Variants in SNW1 observed in about 807,000 individuals in gnomAD.
The protein encoded by SNW1 is SNW domain containing 1, also known as SNW domain-containing protein 1.
In SNW1, 9 loss-of-function variants were observed where a neutral mutation model predicts 75.6. The ratio of observed to expected loss-of-function variants is 0.12; its 90% confidence interval spans 0.07 to 0.21. The LOEUF is 0.21. Ranked by LOEUF, SNW1 falls within the 10% of genes least tolerant of loss-of-function variation. The pLI is 1.00. For missense variants in SNW1, 409 were observed against 670.9 expected (o/e 0.61, Z 4.31); for synonymous variants, 200 against 219.1 (o/e 0.91, Z 0.77).
chr14:77,759,614 T>C (rs1251104153), intron 1 of SNW1, among the ~76,000 whole-genome samples: 2 of 152,194 alleles, frequency 1.3e-5, no homozygotes, highest in Non-Finnish European at 2.9e-5. Context: ...CTCATAACTT[T>C]ACTAGTCTAT....
chr14:77,748,851 T>G (rs2080785164), intron 3 of SNW1, among the ~76,000 whole-genome samples: 1 of 152,166 alleles, frequency 6.6e-6, no homozygotes, highest in Non-Finnish European at 1.5e-5. Flanking sequence ...TCTCCCAAAG[T>G]GCTGGGATTA....
chr14:77,724,813 G>A (rs369872987), intron 10 of SNW1, among the ~76,000 whole-genome samples: 1 of 152,186 alleles, frequency 6.6e-6, no homozygotes, highest in African/African-American at 2.4e-5. Flanking sequence ...AAACATGGAA[G>A]TGCAGATATC....
chr14:77,736,072 TCTC>T (rs1310672094), intron 6 of SNW1, 66 bp from the exon 7 acceptor site: 38 of 1,155,530 alleles, frequency 3.3e-5, no homozygotes, highest in Admixed American at 1.1e-4. Context: ...ATATCAAGTC[TCTC>T]CTCCTTTTTC....
intron 1 of SNW1, among the ~76,000 whole-genome samples, chr14:77,756,517 G>A (rs74488615): frequency 6.6e-6 from 1 of 152,310 alleles, no homozygotes; most frequent in Non-Finnish European, 1.5e-5. Flanking sequence ...AAAACTGAAT[G>A]TAAAAAAGAG....
chr14:77,757,950 CT>C (rs1389446016), intron 1 of SNW1, among the ~76,000 whole-genome samples: 11 of 110,762 alleles, frequency 9.9e-5, no homozygotes, highest in African/African-American at 3.4e-4. Flanking sequence ...ATCTATCTAT[CT>C]ATCGCAATCA....
At chr14:77,743,500 C>T (rs184711935) in intron 3 of SNW1, among the ~76,000 whole-genome samples, 181 of 152,286 alleles carry the variant, frequency 1.2e-3, no homozygotes, top group African/African-American at 3.9e-3. Flanking sequence ...AGAACTCCCT[C>T]GTTTCTGAAG....
chr14:77,736,948 G>A (rs1485017570), intron 6 of SNW1, 23 bp downstream of exon 6: 2 of 1,500,224 alleles, frequency 1.3e-6, no homozygotes, highest in Non-Finnish European at 9.3e-7. Context: ...GTGTGTATTA[G>A]TAGCCTATTC....
chr14:77,745,953 G>A (rs764050953), intron 3 of SNW1, among the ~76,000 whole-genome samples: 12 of 152,112 alleles, frequency 7.9e-5, no homozygotes, highest in Non-Finnish European at 1.6e-4. Flanking sequence ...GAGCTCAGGA[G>A]TTCAAGGCTG....
chr14:77,755,827 C>T (rs1187304776), intron 1 of SNW1, among the ~76,000 whole-genome samples: 1 of 151,962 alleles, frequency 6.6e-6, no homozygotes, highest in Non-Finnish European at 1.5e-5. Flanking sequence ...CAGCCTCCAC[C>T]TCCTGGGTTC....
chr14:77,755,782 A>G (rs566722126), intron 1 of SNW1, among the ~76,000 whole-genome samples: 1 of 149,186 alleles, frequency 6.7e-6, no homozygotes, highest in East Asian at 2.0e-4. Context: ...TGTGTCACCT[A>G]GGCTAGAGTG....
chr14:77,741,312 G>A (rs72687218), intron 3 of SNW1, among the ~76,000 whole-genome samples: 25,634 of 151,914 alleles, frequency 0.17, 2,567 homozygotes, highest in Non-Finnish European at 0.23. Context: ...CCAGGAATTC[G>A]AGACCAGCCA....
At chr14:77,725,965 G>A (rs2080581825) in intron 10 of SNW1, among the ~76,000 whole-genome samples, 1 of 152,104 alleles carries the variant, frequency 6.6e-6, no homozygotes, top group South Asian at 2.1e-4. Context: ...TTATTTCTGG[G>A]TTCTCTATTC....
intron 2 of SNW1, among the ~76,000 whole-genome samples, chr14:77,752,216 CATATT>C (rs1363783196): frequency 6.6e-6 from 1 of 152,062 alleles, no homozygotes; most frequent in Non-Finnish European, 1.5e-5. Context: ...ATTTTATTAA[CATATT>C]ATTTATTCAT....
intron 3 of SNW1, among the ~76,000 whole-genome samples, chr14:77,744,255 C>T (rs1347025547): frequency 1.3e-5 from 2 of 151,594 alleles, no homozygotes; most frequent in African/African-American, 4.8e-5. Context: ...GAGTTTAAGA[C>T]CAGCCTGGCC....
intron 5 of SNW1, 54 bp downstream of exon 5, chr14:77,738,724 C>T (rs1426840671): frequency 3.0e-6 from 4 of 1,343,124 alleles, no homozygotes; most frequent in Non-Finnish European, 4.3e-6. Context: ...ACCATGACCC[C>T]CCAAGCTGAA....
intron 10 of SNW1, among the ~76,000 whole-genome samples, chr14:77,728,401 A>C (rs948517305): frequency 6.6e-6 from 1 of 152,210 alleles, no homozygotes; most frequent in Non-Finnish European, 1.5e-5. Context: ...CAGTCAGCTG[A>C]GATTGCATCA....
intron 3 of SNW1, among the ~76,000 whole-genome samples, chr14:77,750,899 TAAGTACTCTAAGTACATGG>T (rs2080802534): frequency 6.6e-6 from 1 of 152,128 alleles, no homozygotes; most frequent in African/African-American, 2.4e-5. Context: ...AGAGTACATG[TAAGTACTCTAAGTACATGG>T]AGGAAATGAG....
intron 3 of SNW1, among the ~76,000 whole-genome samples, chr14:77,741,329 C>T (rs1166886221): frequency 1.3e-5 from 2 of 152,052 alleles, no homozygotes; most frequent in Non-Finnish European, 2.9e-5. Flanking sequence ...GCCAGGGCAA[C>T]ATGGCAAGAC....
chr14:77,737,139 C>G, intron 5 of SNW1, 64 bp from the exon 6 acceptor site: 2 of 1,134,418 alleles, frequency 1.8e-6, no homozygotes, highest in Non-Finnish European at 2.7e-6. Context: ...TATTTTCCTT[C>G]TATTACAATC....
Sources: gnomAD v4.1 joint callset for allele counts (sites outside exome capture counted in the v4.1 genomes callset) on GRCh38, gnomAD v4.1.1 for gene constraint, MANE v1.5 for transcripts, NCBI Gene and HGNC (gene_info 2026-07-23, HGNC 2026-07-21) for gene names.